Variants in DCP1A observed in about 807,000 individuals in gnomAD.
DCP1A encodes mRNA-decapping enzyme 1A.
In DCP1A, 20 loss-of-function variants were observed where a neutral mutation model predicts 58.0. The observed-to-expected ratio is 0.34, with a 90% CI of 0.24 to 0.50. The LOEUF (loss-of-function observed/expected upper bound fraction) is 0.50, where lower values mean the gene tolerates loss of function less well. Ranked by LOEUF, DCP1A falls within the 20% of genes least tolerant of loss-of-function variation. The pLI is 0.98. For synonymous variants in DCP1A, 285 were observed against 275.1 expected, an observed-to-expected ratio of 1.04 and a Z score of -0.36; for missense variants, 613 against 712.2, an observed-to-expected ratio of 0.86 and a Z score of 1.59.
At chr3:53,325,862 A>G (rs2106864687) in intron 3 of DCP1A, among the ~76,000 whole-genome samples, 1 of 152,338 alleles carries the variant, frequency 6.6e-6, no homozygotes, top group Admixed American at 6.5e-5. Context: ...GGCATGTTAC[A>G]AACACTTAGG....
chr3:53,334,903 G>A (rs1212895204), intron 3 of DCP1A, among the ~76,000 whole-genome samples: 2 of 151,294 alleles, frequency 1.3e-5, no homozygotes, highest in African/African-American at 4.9e-5. Context: ...TTCGATTACT[G>A]AATTATTGGT....
chr3:53,316,955 T>C (rs1226133723), intron 4 of DCP1A, among the ~76,000 whole-genome samples: 1 of 152,220 alleles, frequency 6.6e-6, no homozygotes. Context: ...ATTTGAAATC[T>C]TGCATTAGGG....
At chr3:53,325,691 C>T (rs1252679710) in intron 3 of DCP1A, among the ~76,000 whole-genome samples, 1 of 152,102 alleles carries the variant, frequency 6.6e-6, no homozygotes, top group African/African-American at 2.4e-5. Context: ...AGATCATTTC[C>T]TTTAAGACAA....
chr3:53,335,885 C>T (rs539932523), intron 3 of DCP1A, among the ~76,000 whole-genome samples: 1 of 152,020 alleles, frequency 6.6e-6, no homozygotes, highest in African/African-American at 2.4e-5. Flanking sequence ...AGCGCAGTGG[C>T]GTGATCATGG....
chr3:53,286,491 A>G lies in DCP1A; in HGVS notation c.*1089T>C, dbSNP rs987572090. On this transcript the variant is annotated 3_prime_UTR_variant, in exon 10 of 10. Coordinates refer to ENST00000610213, the MANE Select transcript of DCP1A (RefSeq NM_018403.7). ...ATGGCAGATCAATAGCAGCATAACA[A>G]AGCTTCTTTACATATTTTCACACTT... 3 of 152,228 alleles carry G rather than the reference A, an allele frequency of 2.0e-5. No homozygotes were observed. Among genetic ancestry groups the G allele is most frequent in the Non-Finnish European group, 4.4e-5 (3 of 68,038 alleles). The allele number at this position is 152,228 out of a possible 1,614,324, so 9.4% of individuals were successfully genotyped here. A position where few individuals can be genotyped will look rare whatever the true frequency, so the allele number is the denominator to read the frequency against.
At chr3:53,343,005 CT>C (rs2089235942) in intron 2 of DCP1A, among the ~76,000 whole-genome samples, 1 of 152,186 alleles carries the variant, frequency 6.6e-6, no homozygotes, top group South Asian at 2.1e-4. Flanking sequence ...CGGAAAATGC[CT>C]TGAATCCTAC....
intron 6 of DCP1A, among the ~76,000 whole-genome samples, chr3:53,293,928 A>AC (rs1328788036): frequency 1.2e-4 from 18 of 152,034 alleles, no homozygotes; most frequent in African/African-American, 4.3e-4. Context: ...CCCCCACCGG[A>AC]CCCCCGCACA....
chr3:53,307,197 C>A (rs1553688165), intron 5 of DCP1A, among the ~76,000 whole-genome samples: 1 of 152,144 alleles, frequency 6.6e-6, no homozygotes, highest in African/African-American at 2.4e-5. Flanking sequence ...AATCCACCCG[C>A]TTCAGCCTTC....
intron 6 of DCP1A, among the ~76,000 whole-genome samples, chr3:53,299,503 C>A (rs531041249): frequency 6.6e-6 from 1 of 152,164 alleles, no homozygotes; most frequent in East Asian, 1.9e-4. Flanking sequence ...CCTCATCCCA[C>A]GGAGAATTGA....
Position 53,288,048 on chromosome 3 carries a change from A to G in DCP1A, c.1668+17T>C, listed in dbSNP as rs966590415. The G allele has an allele frequency of 3.2e-6, 5 of 1,575,948 alleles. No homozygotes were observed. The South Asian group carries it at 5.7e-5, about 18-fold the overall frequency. On this transcript the variant is annotated intron_variant, in intron 9 of 9. Transcript: ENST00000610213. ...TAAATAATGAAAAATCAAAGATAAA[A>G]TTGGTATCCTACATACCTTTATTAG...
intron 3 of DCP1A, among the ~76,000 whole-genome samples, chr3:53,325,016 G>A (rs1343296216): frequency 1.3e-5 from 2 of 151,718 alleles, no homozygotes; most frequent in Non-Finnish European, 2.9e-5. Flanking sequence ...TTTTGAAAAT[G>A]TAAAAAAAAA....
intron 8 of DCP1A, among the ~76,000 whole-genome samples, chr3:53,289,816 A>T (rs1277353927): frequency 6.7e-6 from 1 of 149,736 alleles, no homozygotes; most frequent in South Asian, 2.1e-4. Flanking sequence ...GATACAATCA[A>T]CAGAGATCTG....
rs374663851 is a variant in DCP1A, at chr3:53,287,370, GTC to G, written c.*208_*209del. 2 of 34,278 alleles carry G rather than the reference GTC, an allele frequency of 5.8e-5. No individual in the cohort carries two copies. The highest frequency in any genetic ancestry group is 1.2e-4 in the Non-Finnish European group (2 of 16,840). 2.1% of individuals were successfully genotyped at this position (34,278 alleles called of 1,614,324 possible). A position where few individuals can be genotyped will look rare whatever the true frequency, so the allele number is the denominator to read the frequency against. On this transcript the variant is annotated 3_prime_UTR_variant, in exon 10 of 10. Coordinates refer to ENST00000610213, the MANE Select transcript of DCP1A (RefSeq NM_018403.7). ...TTTTTTTTTTTTTTTTTTTTTTTTT[GTC>G]AAAACAAGGATCTGCTGGTGATGCT...
chr3:53,327,895 G>A (rs1553690805), intron 3 of DCP1A, among the ~76,000 whole-genome samples: 4 of 151,922 alleles, frequency 2.6e-5, no homozygotes, highest in African/African-American at 9.7e-5. Flanking sequence ...GGCCGAGGCA[G>A]GTGGATCACC....
chr3:53,286,711 C>T lies in DCP1A; in HGVS notation c.*869G>A, dbSNP rs574721198. 6.6e-6 allele frequency: 1 copy of T among 152,216 alleles called. No homozygotes were observed. 9.4% of individuals were successfully genotyped at this position (152,216 alleles called of 1,614,324 possible). A position where few individuals can be genotyped will look rare whatever the true frequency, so the allele number is the denominator to read the frequency against. ...GCTTTGTCAGATTGGTCCACTGGTC[C>T]TTTTGTCAAAGTGTTAAGGAAAACA... On this transcript the variant is annotated 3_prime_UTR_variant, in exon 10 of 10. Coordinates refer to ENST00000610213, the MANE Select transcript of DCP1A (RefSeq NM_018403.7).
intron 4 of DCP1A, among the ~76,000 whole-genome samples, chr3:53,318,351 G>A (rs1214249181): frequency 6.6e-6 from 1 of 152,058 alleles, no homozygotes; most frequent in Non-Finnish European, 1.5e-5. Context: ...AATAAGATTA[G>A]ACTGTTAAAA....
intron 3 of DCP1A, among the ~76,000 whole-genome samples, chr3:53,340,866 G>GA (rs1553692448): frequency 6.6e-6 from 1 of 152,152 alleles, no homozygotes; most frequent in South Asian, 2.1e-4. Context: ...AAAAATGCCT[G>GA]AAAGAACCCT....
intron 5 of DCP1A, among the ~76,000 whole-genome samples, chr3:53,305,116 TAAGTAG>T (rs1290291798): frequency 1.3e-5 from 2 of 152,184 alleles, no homozygotes; most frequent in African/African-American, 4.8e-5. Context: ...AAATGAAATA[TAAGTAG>T]AATGCCAGCT....
intron 3 of DCP1A, among the ~76,000 whole-genome samples, chr3:53,321,729 A>C (rs1028128956): frequency 1.3e-5 from 2 of 152,166 alleles, no homozygotes; most frequent in Non-Finnish European, 2.9e-5. Context: ...CAAAACAAAC[A>C]AAAAAACCCA....
Sources: gnomAD v4.1 joint callset for allele counts (sites outside exome capture counted in the v4.1 genomes callset) on GRCh38, gnomAD v4.1.1 for gene constraint, MANE v1.5 for transcripts, NCBI Gene and HGNC (gene_info 2026-07-23, HGNC 2026-07-21) for gene names.